The following USH2A variants were observed in gnomAD, a reference collection of about 807,000 sequenced individuals.
USH2A encodes usherin.
Under a neutral mutation model 538.9 loss-of-function variants are expected in USH2A, and 443 were observed. That is an observed-to-expected ratio of 0.82 (90% CI 0.76 to 0.89). The LOEUF (loss-of-function observed/expected upper bound fraction) is 0.89. USH2A is among the 40% of genes least tolerant of loss of function. USH2A has a pLI of 0.00. For synonymous variants in USH2A, 2,413 were observed against 2,273.5 expected, an observed-to-expected ratio of 1.06 and a Z score of -1.75; for missense variants, 6,633 against 6,324.8, an observed-to-expected ratio of 1.05 and a Z score of -1.65.
At chr1:215,658,139 C>G (rs377336056) in intron 64 of USH2A, among the ~76,000 whole-genome samples, 1 of 151,732 alleles carries the variant, frequency 6.6e-6, no homozygotes, top group Non-Finnish European at 1.5e-5. Context: ...GTTTCACCAT[C>G]TTAGCCAGGA....
chr1:215,944,301 C>T (rs772100053), intron 37 of USH2A, among the ~76,000 whole-genome samples: 2 of 152,088 alleles, frequency 1.3e-5, no homozygotes, highest in Non-Finnish European at 2.9e-5. Context: ...TGTTTACTTT[C>T]TATCCCTTTA....
intron 40 of USH2A, among the ~76,000 whole-genome samples, chr1:215,894,680 C>T (rs1445567171): frequency 6.6e-6 from 1 of 152,146 alleles, no homozygotes; most frequent in Non-Finnish European, 1.5e-5. Context: ...ATCAGAGGGA[C>T]AGCCAGAAGC....
intron 16 of USH2A, among the ~76,000 whole-genome samples, chr1:216,206,163 A>G (rs1020590031): frequency 6.6e-6 from 1 of 152,208 alleles, no homozygotes; most frequent in Non-Finnish European, 1.5e-5. Flanking sequence ...TAATAGAAAT[A>G]TTTGATACAT....
intron 14 of USH2A, among the ~76,000 whole-genome samples, chr1:216,229,614 C>A (rs775052586): frequency 6.6e-6 from 1 of 152,176 alleles, no homozygotes; most frequent in Non-Finnish European, 1.5e-5. Context: ...AGTGCCTAGA[C>A]TGAATTCTTT....
intron 30 of USH2A, among the ~76,000 whole-genome samples, chr1:216,061,988 T>C (rs1255404536): frequency 6.6e-6 from 1 of 152,208 alleles, no homozygotes; most frequent in African/African-American, 2.4e-5. Flanking sequence ...CCCAGTAAGA[T>C]GATTTGAAAA....
intron 4 of USH2A, among the ~76,000 whole-genome samples, chr1:216,355,313 A>AAGAAAGAAAGAG: frequency 2.6e-5 from 1 of 38,516 alleles, no homozygotes; most frequent in East Asian, 1.2e-3. Flanking sequence ...TTCAAAAAGA[A>AAGAAAGAAAGAG]AGAAAGAAAG....
chr1:215,880,365 T>A (rs1053077567), intron 41 of USH2A, among the ~76,000 whole-genome samples: 3 of 152,198 alleles, frequency 2.0e-5, no homozygotes, highest in East Asian at 3.9e-4. Flanking sequence ...AATTGCTTGA[T>A]GATTACTTTG....
chr1:215,818,230 T>A (rs1449427856), intron 47 of USH2A, among the ~76,000 whole-genome samples: 1 of 151,886 alleles, frequency 6.6e-6, no homozygotes, highest in Non-Finnish European at 1.5e-5. Flanking sequence ...TCAGCAGTCC[T>A]AACCCTTGCA....
rs753668177 is a variant in USH2A at position 216,175,237 on chromosome 1, G to A, written c.4627+15C>T. On this transcript the variant is annotated intron_variant, in intron 21 of 71. Transcript: ENST00000307340. ...CTTCGTGTCTCCTAAATAAAGCAAT[G>A]TCAAACACACTTACCAGTGAAGTCT... 29 of 1,613,362 alleles carry A rather than the reference G, an allele frequency of 1.8e-5. No homozygotes were observed. The highest frequency in any genetic ancestry group is 2.5e-5 in the Non-Finnish European group (29 of 1,179,720).
chr1:215,680,673 A>C lies in USH2A; in HGVS notation c.12067-297T>G, dbSNP rs78089712. Among the ~76,000 whole-genome samples, 3,454 of 152,218 alleles carry C rather than the reference A, an allele frequency of 0.023. 125 individuals are homozygous for C. Among genetic ancestry groups the C allele is most frequent in the African/African-American group, 0.071 (2,947 of 41,502 alleles). The stretch of plus-strand genomic sequence containing the variant: ...CGTGTGATATATAAACATTAAAAAA[A>C]AAAACAAAACATGATGCTTCAGATC... On this transcript the variant is annotated intron_variant, in intron 61 of 71. Coordinates refer to ENST00000307340, the MANE Select transcript of USH2A (RefSeq NM_206933.4).
At chr1:216,172,424 T>A (rs1224098553) in intron 21 of USH2A, among the ~76,000 whole-genome samples, 2 of 152,132 alleles carry the variant, frequency 1.3e-5, no homozygotes, top group African/African-American at 4.8e-5. Flanking sequence ...AAGTTTGAGA[T>A]TTTGAATTGA....
chr1:216,411,665 G>A (rs917720396), intron 3 of USH2A, among the ~76,000 whole-genome samples: 16 of 152,122 alleles, frequency 1.1e-4, no homozygotes, highest in African/African-American at 3.9e-4. Context: ...TCCCGGCCTT[G>A]CTGTGGGCAG....
At chr1:215,679,263 A>G (rs1658142833) in intron 62 of USH2A, among the ~76,000 whole-genome samples, 2 of 152,234 alleles carry the variant, frequency 1.3e-5, no homozygotes, top group Admixed American at 1.3e-4. Flanking sequence ...ATTAAAAGTA[A>G]CAGCTTAGTC....
At chr1:216,238,814 T>A (rs2035878547) in intron 13 of USH2A, among the ~76,000 whole-genome samples, 1 of 152,102 alleles carries the variant, frequency 6.6e-6, no homozygotes. Context: ...CAATCACAGA[T>A]GAAAGGGAGG....
rs191155638 is a variant in USH2A, at chr1:215,784,661, A to G, written c.10388-1726T>C. On this transcript the variant is annotated intron_variant, in intron 52 of 71. Transcript: ENST00000307340. ...GCTTTCAAGTGTAAGTTTCTAAAAG[A>G]GTCTGACTTAATCTAAATTGTTCTC... 1.9e-3 allele frequency among the ~76,000 whole-genome samples: 284 copies of G among 152,316 alleles called. 2 individuals are homozygous for G. The highest frequency in any genetic ancestry group is 6.5e-3 in the African/African-American group (272 of 41,578).
chr1:216,370,898 T>G lies in USH2A; in HGVS notation c.652-5813A>C, dbSNP rs558143018. Among the ~76,000 whole-genome samples the G allele has an allele frequency of 2.2e-4, 33 of 152,134 alleles. 1 individual carries two copies. The South Asian group carries it at 6.6e-3, about 31-fold the overall frequency. ...TCACCACCTCCCACAATAGGAAAGG[T>G]GACATCCCCTGTGTACTATAACCAC... On this transcript the variant is annotated intron_variant, in intron 3 of 71. Transcript: ENST00000307340.
chr1:216,180,892 C>T (rs1316296361), intron 20 of USH2A, among the ~76,000 whole-genome samples: 1 of 152,060 alleles, frequency 6.6e-6, no homozygotes, highest in African/African-American at 2.4e-5. Context: ...GGGCACTGGA[C>T]CAGGACGCAA....
At chr1:215,873,151 A>G (rs1664667585) in intron 43 of USH2A, among the ~76,000 whole-genome samples, 1 of 151,900 alleles carries the variant, frequency 6.6e-6, no homozygotes, top group Admixed American at 6.6e-5. Context: ...ATGGGAAAAA[A>G]CACTGTGACC....
At chr1:216,193,456 G>A (rs947102824) in intron 19 of USH2A, among the ~76,000 whole-genome samples, 3 of 151,996 alleles carry the variant, frequency 2.0e-5, no homozygotes, top group Middle Eastern at 6.4e-3. Flanking sequence ...ATGGGTTCTG[G>A]TCTCCTAAAA....
Sources: allele counts gnomAD v4.1 joint callset (sites outside exome capture counted in the v4.1 genomes callset), GRCh38; gene constraint gnomAD v4.1.1; transcripts MANE v1.5; gene names NCBI Gene and HGNC (gene_info 2026-07-23, HGNC 2026-07-21).